MCCC1: variants seen among roughly 807,000 people sequenced by gnomAD.
MCCC1 encodes methylcrotonyl-CoA carboxylase subunit 1, also known as methylcrotonoyl-CoA carboxylase subunit alpha, mitochondrial.
In MCCC1, 64 loss-of-function variants were observed where a neutral mutation model predicts 83.8. The observed-to-expected ratio is 0.76, with a 90% CI of 0.62 to 0.94. The LOEUF is 0.94. MCCC1 is among the 40% of genes least tolerant of loss of function. MCCC1 has a pLI of 0.00. For synonymous variants in MCCC1, 322 were observed against 315.4 expected (o/e 1.02, Z -0.22); for missense variants, 807 against 904.7 (o/e 0.89, Z 1.39).
intron 7 of MCCC1, among the ~76,000 whole-genome samples, chr3:183,069,513 T>C (rs1716500988): frequency 6.6e-6 from 1 of 152,166 alleles, no homozygotes; most frequent in Admixed American, 6.5e-5. Flanking sequence ...GAATTTCATT[T>C]ACTATGCCAT....
intron 10 of MCCC1, among the ~76,000 whole-genome samples, chr3:183,042,449 TTACTC>T (rs1011451552): frequency 6.6e-6 from 1 of 152,222 alleles, no homozygotes; most frequent in African/African-American, 2.4e-5. Context: ...CTTTCTCTCT[TTACTC>T]TTAAGTTTTT....
intron 11 of MCCC1, among the ~76,000 whole-genome samples, chr3:183,041,040 A>T (rs1369565108): frequency 6.6e-6 from 1 of 152,250 alleles, no homozygotes; most frequent in Non-Finnish European, 1.5e-5. Context: ...AAGGAACACA[A>T]GTAGAAAAAT....
At chr3:183,095,348 T>C (rs957060987) in intron 1 of MCCC1, among the ~76,000 whole-genome samples, 1 of 152,120 alleles carries the variant, frequency 6.6e-6, no homozygotes, top group Non-Finnish European at 1.5e-5. Context: ...CCTATTTTAT[T>C]AAAATATGCT....
In MCCC1 at chr3:183,034,809, G is replaced by A. The variant is rs560682255; in HGVS notation, c.1595-732C>T. On this transcript the variant is annotated intron_variant, in intron 13 of 18. Transcript: ENST00000265594. ...TTTTTTCTTTTTTGAGACGAGTCTC[G>A]TTCTGTCGCCCAGGATGGAGTGCAG... 1.8e-4 allele frequency among the ~76,000 whole-genome samples: 26 copies of A among 146,068 alleles called. 1 individual carries two copies. Among genetic ancestry groups the A allele is most frequent in the East Asian group, 7.9e-4 (4 of 5,032 alleles).
In MCCC1 at chr3:183,074,711, A is replaced by G. The variant is rs1716938343; in HGVS notation, c.370-2224T>C. Among the ~76,000 whole-genome samples, 3 of 152,204 alleles carry G rather than the reference A, an allele frequency of 2.0e-5. No individual in the cohort carries two copies. In the South Asian group the frequency reaches 6.2e-4, roughly 32 times the overall value. The stretch of plus-strand genomic sequence containing the variant: ...TTTAGAGTTTTATATCTTTTAAACC[A>G]AAGTTCAATTTTATTTTATTAACTT... On this transcript the variant is annotated intron_variant, in intron 4 of 18. Transcript: ENST00000265594.
intron 11 of MCCC1, among the ~76,000 whole-genome samples, chr3:183,040,167 C>G (rs1713960292): frequency 1.4e-5 from 2 of 144,082 alleles, no homozygotes; most frequent in Admixed American, 1.4e-4. Context: ...AGATGCTTTG[C>G]TAAGTTAAAA....
chr3:183,034,257 TA>T (rs1713340285), intron 13 of MCCC1, among the ~76,000 whole-genome samples, 180 bp from the exon 14 acceptor site: 1 of 152,106 alleles, frequency 6.6e-6, no homozygotes, highest in Non-Finnish European at 1.5e-5. Flanking sequence ...GAGACCATCC[TA>T]GCTAACACGG....
At chr3:183,095,869 A>C (rs1040475978) in intron 1 of MCCC1, among the ~76,000 whole-genome samples, 1 of 152,232 alleles carries the variant, frequency 6.6e-6, no homozygotes, top group Non-Finnish European at 1.5e-5. Flanking sequence ...ATTTAAAAAA[A>C]TGGAGAAATG....
chr3:183,018,481 C>G (rs1255859753), intron 17 of MCCC1, among the ~76,000 whole-genome samples: 1 of 144,240 alleles, frequency 6.9e-6, no homozygotes, highest in Non-Finnish European at 1.5e-5. Flanking sequence ...GTCAAATGCA[C>G]TGGTCAAATC....
At chr3:183,106,081 T>TTAAAAAAAAAAA (rs1553872643) in intron 1 of MCCC1, among the ~76,000 whole-genome samples, 2 of 101,064 alleles carry the variant, frequency 2.0e-5, no homozygotes, top group African/African-American at 7.2e-5. Context: ...AGAGAGTCCG[T>TTAAAAAAAAAAA]AAAAAAAAAA....
At chr3:183,090,806 C>A (rs2108561959) in intron 3 of MCCC1, 6 of 327,950 alleles carry the variant, frequency 1.8e-5, no homozygotes, top group South Asian at 1.2e-4. Context: ...TCAGGCTGGT[C>A]TCGAACCCTG....
intron 4 of MCCC1, among the ~76,000 whole-genome samples, chr3:183,073,597 C>T (rs1342363942): frequency 1.3e-5 from 2 of 152,344 alleles, no homozygotes; most frequent in African/African-American, 4.8e-5. Flanking sequence ...AAATGTAATG[C>T]CTTTCCCATC....
intron 14 of MCCC1, among the ~76,000 whole-genome samples, chr3:183,030,867 C>T (rs775106884): frequency 2.0e-5 from 3 of 152,144 alleles, no homozygotes; most frequent in Non-Finnish European, 4.4e-5. Context: ...TGTCAACAGG[C>T]TTTTACTCTT....
chr3:183,053,951 C>T (rs1715206196), intron 8 of MCCC1, among the ~76,000 whole-genome samples: 1 of 142,784 alleles, frequency 7.0e-6, no homozygotes, highest in African/African-American at 2.6e-5. Flanking sequence ...GATCTCGGCT[C>T]ATTGCAACCT....
chr3:183,042,440 T>C (rs549768214), intron 10 of MCCC1, among the ~76,000 whole-genome samples: 3 of 152,346 alleles, frequency 2.0e-5, no homozygotes, highest in African/African-American at 7.2e-5. Context: ...CACATTGCAC[T>C]TTCTCTCTTT....
intron 13 of MCCC1, among the ~76,000 whole-genome samples, chr3:183,034,570 T>G (rs939905302): frequency 6.6e-6 from 1 of 152,106 alleles, no homozygotes; most frequent in Non-Finnish European, 1.5e-5. Flanking sequence ...TGAAATTTCA[T>G]GTGAAAAATT....
At chr3:183,069,067 C>T (rs974304599) in intron 7 of MCCC1, among the ~76,000 whole-genome samples, 5 of 152,098 alleles carry the variant, frequency 3.3e-5, no homozygotes, top group Admixed American at 1.3e-4. Context: ...GGGTTGTTTT[C>T]CATCTTCTGC....
rs1468469519 is a variant in MCCC1 at position 183,034,236 on chromosome 3, G to A, written c.1595-159C>T. On this transcript the variant is annotated intron_variant, in intron 13 of 18. Coordinates refer to ENST00000265594, the MANE Select transcript of MCCC1 (RefSeq NM_020166.5). ...GAGGCCAAGGCGGGCGGATCATGAGGTCAGGAGATCGAGACCATCCTAGCT... is the reference window on the plus strand; with the variant it reads ...GAGGCCAAGGCGGGCGGATCATGAGATCAGGAGATCGAGACCATCCTAGCT... Among the ~76,000 whole-genome samples the A allele has an allele frequency of 5.3e-5, 8 of 152,208 alleles. No homozygotes were observed. The East Asian group carries it at 1.5e-3, about 29-fold the overall frequency.
At chr3:183,091,244 C>T (rs1718307326) in intron 3 of MCCC1, among the ~76,000 whole-genome samples, 2 of 152,128 alleles carry the variant, frequency 1.3e-5, no homozygotes, top group Non-Finnish European at 1.5e-5. Flanking sequence ...GTGGGAGTCA[C>T]CTATGCTTGG....
Sources: gnomAD v4.1 joint callset for allele counts (sites outside exome capture counted in the v4.1 genomes callset) on GRCh38, gnomAD v4.1.1 for gene constraint, MANE v1.5 for transcripts, NCBI Gene and HGNC (gene_info 2026-07-23, HGNC 2026-07-21) for gene names.